The following SGCZ variants were observed in gnomAD, a reference collection of about 807,000 sequenced individuals.
The protein encoded by SGCZ is sarcoglycan zeta, also known as zeta-sarcoglycan.
A neutral mutation model predicts 41.3 loss-of-function variants in SGCZ; 40 were observed. That is an observed-to-expected ratio of 0.97 (90% CI 0.75 to 1.26). The LOEUF (loss-of-function observed/expected upper bound fraction) is 1.26. Among genes scored for constraint, SGCZ ranks in the 50% most tolerant of loss-of-function variants. The pLI is 0.00. For missense variants in SGCZ, 552 were observed against 369.8 expected (o/e 1.49, Z -4.04); for synonymous variants, 206 against 137.5 (o/e 1.50, Z -3.49).
At chr8:14,295,094 A>G (rs1800965784) in intron 3 of SGCZ, among the ~76,000 whole-genome samples, 1 of 152,176 alleles carries the variant, frequency 6.6e-6, no homozygotes, top group Non-Finnish European at 1.5e-5. Flanking sequence ...TATTTATTCA[A>G]TTAATATGAA....
chr8:14,645,445 A>C (rs34862383), intron 1 of SGCZ, among the ~76,000 whole-genome samples: 106,901 of 143,674 alleles, frequency 0.74, 40,139 homozygotes, highest in East Asian at 0.91. Context: ...TTTATGACCA[A>C]TTAGAAAAGT....
At position 14,555,012 on chromosome 8, in the gene SGCZ, A is replaced by T. The variant is rs972931700; in HGVS notation, c.40-86T>A. The stretch of plus-strand genomic sequence containing the variant: ...AAACCCATGATTTTTTTGAAACAAA[A>T]GAACAATGTACGTTAAAATAATTGG... On this transcript the variant is annotated intron_variant, in intron 1 of 7. Coordinates refer to ENST00000382080, the MANE Select transcript of SGCZ (RefSeq NM_139167.4). The T allele has an allele frequency of 4.9e-6, 6 of 1,223,576 alleles. No homozygotes were observed. The South Asian group carries it at 9.3e-5, about 19-fold the overall frequency. The allele number at this position is 1,223,576 out of a possible 1,614,324, so 75.8% of individuals were successfully genotyped here. A position where few individuals can be genotyped will look rare whatever the true frequency, so the allele number is the denominator to read the frequency against.
At chr8:14,791,772 G>A (rs1157462915) in intron 1 of SGCZ, among the ~76,000 whole-genome samples, 1 of 152,148 alleles carries the variant, frequency 6.6e-6, no homozygotes, top group East Asian at 1.9e-4. Context: ...AAGAGCTATA[G>A]GTTCCAATGA....
intron 1 of SGCZ, among the ~76,000 whole-genome samples, chr8:14,874,333 C>T (rs566917665): frequency 4.3e-4 from 65 of 152,138 alleles, no homozygotes; most frequent in Non-Finnish European, 2.5e-4. Flanking sequence ...GACTGTCCAA[C>T]ACTTCTGTAC....
chr8:14,974,880 A>C (rs1801413912), intron 1 of SGCZ, among the ~76,000 whole-genome samples: 1 of 149,374 alleles, frequency 6.7e-6, no homozygotes, highest in South Asian at 2.1e-4. Flanking sequence ...AAAAAAAAAA[A>C]AGGAAATACA....
At chr8:14,710,277 G>C (rs887166951) in intron 1 of SGCZ, among the ~76,000 whole-genome samples, 5 of 151,210 alleles carry the variant, frequency 3.3e-5, no homozygotes, top group African/African-American at 1.2e-4. Flanking sequence ...GGCTGAGGCA[G>C]GGGAATGGAG....
chr8:14,095,395 G>C (rs1043884720), intron 7 of SGCZ, among the ~76,000 whole-genome samples: 1 of 152,152 alleles, frequency 6.6e-6, no homozygotes, highest in Non-Finnish European at 1.5e-5. Flanking sequence ...TTTTCCCATT[G>C]CTTGTTTTTG....
chr8:14,147,023 G>A (rs1270680535), intron 5 of SGCZ, among the ~76,000 whole-genome samples: 5 of 151,318 alleles, frequency 3.3e-5, no homozygotes, highest in Non-Finnish European at 5.9e-5. Context: ...AGTTTTCTTC[G>A]TATCAGTGTT....
chr8:15,171,273 G>A (rs1172402535), intron 1 of SGCZ, among the ~76,000 whole-genome samples: 1 of 152,180 alleles, frequency 6.6e-6, no homozygotes, highest in Non-Finnish European at 1.5e-5. Context: ...AAGAGATTGT[G>A]CAGGGTAAAA....
chr8:14,827,199 G>T (rs1379673293), intron 1 of SGCZ, among the ~76,000 whole-genome samples: 1 of 146,062 alleles, frequency 6.8e-6, no homozygotes. Flanking sequence ...GCCAAGGATT[G>T]TTAAGTCTCT....
chr8:15,087,094 C>T (rs1410589091), intron 1 of SGCZ, among the ~76,000 whole-genome samples: 1 of 151,954 alleles, frequency 6.6e-6, no homozygotes, highest in East Asian at 1.9e-4. Flanking sequence ...AATCACATAC[C>T]CTCTCCGTAC....
chr8:15,197,810 T>G (rs1446068255), intron 1 of SGCZ, among the ~76,000 whole-genome samples: 1 of 152,018 alleles, frequency 6.6e-6, no homozygotes, highest in Non-Finnish European at 1.5e-5. Flanking sequence ...TTGCCAATTG[T>G]TATTTCACCT....
At chr8:14,717,667 T>G (rs1333228885) in intron 1 of SGCZ, among the ~76,000 whole-genome samples, 1 of 152,114 alleles carries the variant, frequency 6.6e-6, no homozygotes, top group Admixed American at 6.6e-5. Context: ...ATTACATTCT[T>G]AATAATTTTT....
At chr8:14,950,833 G>T (rs988882204) in intron 1 of SGCZ, among the ~76,000 whole-genome samples, 2 of 151,862 alleles carry the variant, frequency 1.3e-5, no homozygotes, top group African/African-American at 4.8e-5. Context: ...TGGCTTAGAA[G>T]TCTAATCAAA....
At chr8:14,103,166 T>G (rs1401125777) in intron 6 of SGCZ, among the ~76,000 whole-genome samples, 1 of 151,956 alleles carries the variant, frequency 6.6e-6, no homozygotes, top group Non-Finnish European at 1.5e-5. Flanking sequence ...CAAGTACAAA[T>G]GCGATTGAAG....
chr8:14,461,346 C>G (rs1800896504), intron 2 of SGCZ, among the ~76,000 whole-genome samples: 1 of 152,072 alleles, frequency 6.6e-6, no homozygotes, highest in Non-Finnish European at 1.5e-5. Flanking sequence ...ATAGCTTACC[C>G]CAGTTATCAC....
At position 14,697,991 on chromosome 8, in the gene SGCZ, T is replaced by C. The variant is rs184166571; in HGVS notation, c.40-143065A>G. ...TTCGGTATTTGTTGAACGTTTAGTC[T>C]GCTTCCAGGAATTATTTTCATTTCA... On this transcript the variant is annotated intron_variant, in intron 1 of 7. Coordinates refer to ENST00000382080, the MANE Select transcript of SGCZ (RefSeq NM_139167.4). 4.4e-4 allele frequency among the ~76,000 whole-genome samples: 67 copies of C among 152,146 alleles called. No individual in the cohort carries two copies. The East Asian group carries it at 0.013, about 28-fold the overall frequency.
chr8:14,128,325 A>G (rs1266127555), intron 5 of SGCZ, among the ~76,000 whole-genome samples: 1 of 152,234 alleles, frequency 6.6e-6, no homozygotes, highest in Non-Finnish European at 1.5e-5. Flanking sequence ...ACTGATTATC[A>G]GAGAAATGCA....
At chr8:14,496,167 G>T (rs957735882) in intron 2 of SGCZ, among the ~76,000 whole-genome samples, 1 of 152,102 alleles carries the variant, frequency 6.6e-6, no homozygotes, top group Non-Finnish European at 1.5e-5. Context: ...TTGGCCTCAG[G>T]CAATCCTCCT....
Sources: gnomAD v4.1 joint callset for allele counts (sites outside exome capture counted in the v4.1 genomes callset) on GRCh38, gnomAD v4.1.1 for gene constraint, MANE v1.5 for transcripts, NCBI Gene and HGNC (gene_info 2026-07-23, HGNC 2026-07-21) for gene names.